Variants in ADAMTS18 observed in about 807,000 individuals in gnomAD.
ADAMTS18 encodes A disintegrin and metalloproteinase with thrombospondin motifs 18.
A neutral mutation model predicts 165.9 loss-of-function variants in ADAMTS18; 157 were observed. The ratio of observed to expected loss-of-function variants is 0.95; its 90% confidence interval spans 0.83 to 1.08. ADAMTS18 has a LOEUF of 1.08. ADAMTS18 is among the 50% of genes least tolerant of loss of function. ADAMTS18 has a pLI of 0.00. For synonymous variants in ADAMTS18, 782 were observed against 578.2 expected, an observed-to-expected ratio of 1.35 and a Z score of -5.06; for missense variants, 2,040 against 1,534.0, an observed-to-expected ratio of 1.33 and a Z score of -5.51.
At chr16:77,376,140 T>G (rs1425949946) in intron 3 of ADAMTS18, among the ~76,000 whole-genome samples, 1 of 151,880 alleles carries the variant, frequency 6.6e-6, no homozygotes, top group African/African-American at 2.4e-5. Context: ...CGATCTCAGG[T>G]GATCCACCCG....
intron 16 of ADAMTS18, among the ~76,000 whole-genome samples, chr16:77,312,915 A>G (rs1397908342): frequency 6.6e-6 from 1 of 152,072 alleles, no homozygotes; most frequent in Non-Finnish European, 1.5e-5. Context: ...AACTAGAAAT[A>G]CCATTTGACC....
chr16:77,399,058 C>A (rs192347404), intron 3 of ADAMTS18, among the ~76,000 whole-genome samples: 1 of 152,318 alleles, frequency 6.6e-6, no homozygotes, highest in African/African-American at 2.4e-5. Context: ...CCAAAAGGAA[C>A]AATCCTTTGT....
chr16:77,356,968 GA>G (rs925293937), intron 8 of ADAMTS18, among the ~76,000 whole-genome samples: 5 of 145,932 alleles, frequency 3.4e-5, no homozygotes, highest in Admixed American at 1.4e-4. Context: ...TCAGCACAGA[GA>G]AAAGTCTTTT....
chr16:77,424,176 G>A (rs1474319956), intron 3 of ADAMTS18, among the ~76,000 whole-genome samples: 1 of 147,460 alleles, frequency 6.8e-6, no homozygotes, highest in Non-Finnish European at 1.5e-5. Context: ...ACCCGAAAAG[G>A]CAGGCAGGCA....
chr16:77,353,545 T>C (rs1036835777), intron 10 of ADAMTS18, among the ~76,000 whole-genome samples, 188 bp downstream of exon 10: 8 of 152,228 alleles, frequency 5.3e-5, no homozygotes, highest in Non-Finnish European at 7.3e-5. Context: ...GCATGGTCTA[T>C]GTGGATAGGC....
At chr16:77,329,002 T>G (rs923523175) in intron 12 of ADAMTS18, among the ~76,000 whole-genome samples, 3 of 152,204 alleles carry the variant, frequency 2.0e-5, no homozygotes. Flanking sequence ...ATGCCTGCAT[T>G]TAACTGAGTT....
intron 16 of ADAMTS18, among the ~76,000 whole-genome samples, chr16:77,317,041 T>C (rs1010363679): frequency 4.6e-5 from 7 of 152,198 alleles, no homozygotes; most frequent in Non-Finnish European, 8.8e-5. Context: ...CTTCTCATCC[T>C]TCAAGTTTCA....
At chr16:77,304,502 T>A (rs1345576497) in intron 16 of ADAMTS18, among the ~76,000 whole-genome samples, 1 of 152,212 alleles carries the variant, frequency 6.6e-6, no homozygotes, top group African/African-American at 2.4e-5. Context: ...CTTTGAAGAT[T>A]TCTATTCCCC....
chr16:77,356,431 C>G (rs968250054), intron 8 of ADAMTS18, among the ~76,000 whole-genome samples: 2 of 152,096 alleles, frequency 1.3e-5, no homozygotes, highest in Non-Finnish European at 2.9e-5. Context: ...GAATTCTTAT[C>G]TTGTCACCAA....
At chr16:77,383,535 G>A (rs1362395666) in intron 3 of ADAMTS18, among the ~76,000 whole-genome samples, 2 of 144,750 alleles carry the variant, frequency 1.4e-5, no homozygotes, top group Non-Finnish European at 3.1e-5. Flanking sequence ...TTGTCCAAAG[G>A]CGACCTCTTT....
intron 22 of ADAMTS18, among the ~76,000 whole-genome samples, chr16:77,287,322 AC>A (rs1443596878): frequency 6.6e-6 from 1 of 152,180 alleles, no homozygotes; most frequent in Non-Finnish European, 1.5e-5. Flanking sequence ...CATAGTAGTC[AC>A]CCTGCCAAGC....
In ADAMTS18 at chr16:77,434,519, G is replaced by T; in HGVS notation, c.91-14C>A. On this transcript the variant is annotated splice_polypyrimidine_tract_variant and intron_variant, in intron 1 of 22. Transcript: ENST00000282849. ...CAGCTGGAGCGCCTGCAAGAGAAAA[G>T]GTGACATCGCGCGTGAGGGGCGCGG... 6.5e-7 allele frequency: 1 copy of T among 1,549,402 alleles called. No homozygotes were observed. The highest frequency in any genetic ancestry group is 8.7e-7 in the Non-Finnish European group (1 of 1,151,144).
intron 3 of ADAMTS18, among the ~76,000 whole-genome samples, chr16:77,421,023 C>T (rs1167770370): frequency 6.6e-6 from 1 of 152,112 alleles, no homozygotes; most frequent in East Asian, 1.9e-4. Flanking sequence ...TTTCAAGTGC[C>T]GTCTCTCAAA....
chr16:77,431,523 C>G lies in ADAMTS18; in HGVS notation c.267G>C (p.Ser89=). The G allele has an allele frequency of 6.2e-7, 1 of 1,614,130 alleles. No homozygotes were observed. Among genetic ancestry groups the G allele is most frequent in the Non-Finnish European group, 8.5e-7 (1 of 1,180,010 alleles). ...DILHNGRKKR[S]AQNARSSLHY... Reference sequence around the variant, plus strand: ...GCAGGGAGCTTCTGGCATTCTGCGCCGATCGCTTTTTCCTGCCGTTGTGCA... The same window carrying G: ...GCAGGGAGCTTCTGGCATTCTGCGCGGATCGCTTTTTCCTGCCGTTGTGCA... The change falls in exon 3 of 23, where the codon TCG becomes TCC. Residue 89 remains serine (S), a synonymous_variant. Transcript: ENST00000282849.
chr16:77,302,608 A>G (rs185872678), intron 16 of ADAMTS18, among the ~76,000 whole-genome samples: 1 of 152,334 alleles, frequency 6.6e-6, no homozygotes, highest in East Asian at 1.9e-4. Context: ...CCTCCCATTC[A>G]AACTAGATCC....
chr16:77,366,334 G>C (rs2056793270), intron 4 of ADAMTS18, among the ~76,000 whole-genome samples: 1 of 152,172 alleles, frequency 6.6e-6, no homozygotes, highest in East Asian at 1.9e-4. Context: ...GAGGCGGGTG[G>C]ATCACCTGAG....
chr16:77,369,855 C>G (rs542869380), intron 3 of ADAMTS18, among the ~76,000 whole-genome samples: 254 of 152,240 alleles, frequency 1.7e-3, no homozygotes, highest in Non-Finnish European at 2.8e-3. Flanking sequence ...ACTAGCAAAC[C>G]AAATTCAACA....
intron 3 of ADAMTS18, among the ~76,000 whole-genome samples, chr16:77,384,209 G>T (rs777082854): frequency 1.3e-5 from 2 of 152,114 alleles, no homozygotes; most frequent in East Asian, 3.9e-4. Flanking sequence ...AGACTTCAAC[G>T]TCTACATTTA....
At chr16:77,319,461 T>C (rs189787486) in intron 16 of ADAMTS18, among the ~76,000 whole-genome samples, 53 of 152,268 alleles carry the variant, frequency 3.5e-4, no homozygotes, top group Non-Finnish European at 6.0e-4. Flanking sequence ...TGTTGTTGTT[T>C]TGAAACAGTC....
Sources: allele counts gnomAD v4.1 joint callset (sites outside exome capture counted in the v4.1 genomes callset), GRCh38; gene constraint gnomAD v4.1.1; transcripts MANE v1.5; gene names NCBI Gene and HGNC (gene_info 2026-07-23, HGNC 2026-07-21).